The following CADM4 variants were observed in gnomAD, a reference collection of about 807,000 sequenced individuals.
The protein encoded by CADM4 is cell adhesion molecule 4.
CADM4 carries 13 observed loss-of-function variants against 43.9 expected under a neutral mutation model. That is an observed-to-expected ratio of 0.30 (90% CI 0.19 to 0.47). CADM4 has a LOEUF of 0.47. Ranked by LOEUF, CADM4 falls within the 20% of genes least tolerant of loss-of-function variation. The pLI, the probability that CADM4 is intolerant of heterozygous loss-of-function variation, is 1.00. For missense variants in CADM4, 420 were observed against 527.0 expected (o/e 0.80, Z 1.99); for synonymous variants, 209 against 220.9 (o/e 0.95, Z 0.48).
At position 43,639,796 on chromosome 19, in the gene CADM4, C is replaced by A. The variant is rs937514703; in HGVS notation, c.-6G>T. 1 of 974,802 alleles carries A rather than the reference C, an allele frequency of 1.0e-6. No individual in the cohort carries two copies. The highest frequency in any genetic ancestry group is 4.4e-5 in the South Asian group (1 of 22,684). 60.4% of individuals were successfully genotyped at this position (974,802 alleles called of 1,614,324 possible). A position where few individuals can be genotyped will look rare whatever the true frequency, so the allele number is the denominator to read the frequency against. The stretch of plus-strand genomic sequence containing the variant: ...AAGCGCCGGGCCCGGCCCATGGTGC[C>A]GCCGCCGCCGCCGCCGCCGCTCGCT... On this transcript the variant is annotated 5_prime_UTR_variant, in exon 1 of 9. Coordinates refer to ENST00000222374, the MANE Select transcript of CADM4 (RefSeq NM_145296.2).
chr19:43,635,048 T>G (rs1041698636), intron 1 of CADM4, among the ~76,000 whole-genome samples: 4 of 150,576 alleles, frequency 2.7e-5, no homozygotes, highest in Non-Finnish European at 5.9e-5. Flanking sequence ...GACACAGGAG[T>G]CTGGGCCTCC....
At chr19:43,639,614 C>A (rs1414936620) in intron 1 of CADM4, 113 bp downstream of exon 1, 2 of 627,228 alleles carry the variant, frequency 3.2e-6, no homozygotes, top group African/African-American at 2.0e-5. Context: ...GGAGGGGGCC[C>A]GGCCCGGCCC....
chr19:43,625,992 G>A lies in CADM4; in HGVS notation c.674C>T (p.Thr225Met), dbSNP rs1229632501. ...QYVLDVQYSP[T>M]ARIHASQAVV... is the part of the protein sequence containing the mutation. ...AGCTTGGGAGGCATGAATCCGGGCC[G>A]TGGGGGAGTCTGTTAGGCAAAAGTA... The change falls in exon 6 of 9, where the codon ACG (threonine) becomes ATG (methionine). Residue 225 changes from threonine to methionine, a missense_variant. Transcript: ENST00000222374. This position sits in a 1 kb window ranked among gnomAD's most constrained non-coding sequence, Gnocchi z 4.5. 20 of 1,614,178 alleles carry A rather than the reference G, an allele frequency of 1.2e-5. No individual in the cohort carries two copies. The highest frequency in any genetic ancestry group is 2.2e-5 in the East Asian group (1 of 44,884).
upstream of CADM4, chr19:43,639,851 G>GCCCGC (rs1409949455): frequency 2.1e-6 from 2 of 975,156 alleles, no homozygotes; most frequent in Admixed American, 1.3e-4. Flanking sequence ...CGCCCGCGCC[G>GCCCGC]CCCGCCCCGC....
chr19:43,625,072 T>G lies in CADM4; in HGVS notation c.928+6A>C. ...CCGCCCTCAGTCGGCCGCAGCCTGC[T>G]CTCACCGTAGACCACAAGTACGTAG... On this transcript the variant is annotated splice_donor_region_variant and intron_variant, in intron 7 of 8. Coordinates refer to ENST00000222374, the MANE Select transcript of CADM4 (RefSeq NM_145296.2). This position sits in a 1 kb window ranked among gnomAD's most constrained non-coding sequence, Gnocchi z 4.5. 1 of 1,338,896 alleles carries G rather than the reference T, an allele frequency of 7.5e-7. No individual in the cohort carries two copies. Among genetic ancestry groups the G allele is most frequent in the Non-Finnish European group, 9.9e-7 (1 of 1,013,192 alleles). The allele number at this position is 1,338,896 out of a possible 1,614,324, so 82.9% of individuals were successfully genotyped here.
chr19:43,635,341 C>G (rs1439317224), intron 1 of CADM4, among the ~76,000 whole-genome samples: 1 of 151,848 alleles, frequency 6.6e-6, no homozygotes, highest in Non-Finnish European at 1.5e-5. Context: ...CCATCAATGG[C>G]GGAGTCCGAA....
intron 7 of CADM4, 83 bp downstream of exon 7, chr19:43,624,995 G>T: frequency 7.2e-7 from 1 of 1,395,382 alleles, no homozygotes; most frequent in Non-Finnish European, 9.6e-7. Flanking sequence ...GAACCCCTGA[G>T]TTATGTGGCC....
chr19:43,626,839 C>T lies in CADM4; in HGVS notation c.444G>A (p.Pro148=). ...GGEVELSCLV[P]RSRPAATLRW... is the part of the protein sequence containing the mutation. ...GCAGGGTGGCAGCCGGACGGGACCG[C>T]GGAACGAGGCAGCTGAGCTCCACCT... The change falls in exon 4 of 9, where the codon CCG becomes CCA. Residue 148 remains proline, a synonymous_variant. Transcript: ENST00000222374. This position sits in a 1 kb window ranked among gnomAD's most constrained non-coding sequence, Gnocchi z 5.9. 2 of 1,610,706 alleles carry T rather than the reference C, an allele frequency of 1.2e-6. No homozygotes were observed. The highest frequency in any genetic ancestry group is 1.7e-6 in the Non-Finnish European group (2 of 1,178,622).
chr19:43,638,754 G>A (rs956302444), intron 1 of CADM4, among the ~76,000 whole-genome samples: 1 of 152,182 alleles, frequency 6.6e-6, no homozygotes, highest in Non-Finnish European at 1.5e-5. Context: ...AGAGGCATTC[G>A]CTGAATCCAC....
upstream of CADM4, chr19:43,639,866 C>G: frequency 1.0e-6 from 1 of 972,616 alleles, no homozygotes; most frequent in Non-Finnish European, 1.2e-6. Context: ...CCCCGCCCCC[C>G]GCGCCCCGCC....
In CADM4 at chr19:43,626,975, G is replaced by A. The variant is rs921307514; in HGVS notation, c.365-57C>T. 5.9e-6 allele frequency: 9 copies of A among 1,516,342 alleles called. No homozygotes were observed. In the Admixed American group the frequency reaches 1.0e-4, roughly 17 times the overall value. The allele number at this position is 1,516,342 out of a possible 1,614,324, so 93.9% of individuals were successfully genotyped here. On this transcript the variant is annotated intron_variant, in intron 3 of 8. Coordinates refer to ENST00000222374, the MANE Select transcript of CADM4 (RefSeq NM_145296.2). This position sits in a 1 kb window ranked among gnomAD's most constrained non-coding sequence, Gnocchi z 5.9. ...AAGAAGGCACGAACGTGGGCTCAAA[G>A]CGATCGAGCTGCCTGTTCCCAGCGA...
rs1041501664 is a variant in CADM4, at chr19:43,628,413, C to T, written c.65-623G>A. On this transcript the variant is annotated intron_variant, in intron 1 of 8. Transcript: ENST00000222374. ...TGGAGCCACTGCACTCCAGGCTGGG[C>T]GACAGAGCGAGACTCTGTCTCAAAA... is the stretch of plus-strand genomic sequence containing the variant. Among the ~76,000 whole-genome samples, 17 of 149,468 alleles carry T rather than the reference C, an allele frequency of 1.1e-4. No individual in the cohort carries two copies. In the East Asian group the frequency reaches 1.8e-3, roughly 16 times the overall value.
At chr19:43,624,984 C>G (rs912824710) in intron 7 of CADM4, 94 bp downstream of exon 7, 45 of 1,329,910 alleles carry the variant, frequency 3.4e-5, no homozygotes, top group Non-Finnish European at 4.0e-5. Context: ...TGTTGGCTGC[C>G]GAACCCCTGA....
chr19:43,627,729 G>A lies in CADM4; in HGVS notation c.126C>T (p.Ile42=), dbSNP rs764972537. 4.3e-6 allele frequency: 7 copies of A among 1,614,014 alleles called. No individual in the cohort carries two copies. Among genetic ancestry groups the A allele is most frequent in the Admixed American group, 3.3e-5 (2 of 60,002 alleles). Residue 42 remains isoleucine (I), a synonymous_variant, in exon 2 of 9, where the codon ATC becomes ATT. Coordinates refer to ENST00000222374, the MANE Select transcript of CADM4 (RefSeq NM_145296.2). The surrounding 1 kb of genome is among the most constrained non-coding windows in gnomAD (Gnocchi z 4.0). ...VTVAEGGVAE[I]TCRLHQYDGS... is the part of the protein sequence containing the mutation. ...CATCATACTGGTGCAGACGGCAGGTGATCTCAGCCACCCCACCCTCAGCCA... is the reference window on the plus strand; with the variant it reads ...CATCATACTGGTGCAGACGGCAGGTAATCTCAGCCACCCCACCCTCAGCCA...
rs779955318 is a variant in CADM4, at chr19:43,626,964, G to T, written c.365-46C>A. 2 of 1,534,422 alleles carry T rather than the reference G, an allele frequency of 1.3e-6. No individual in the cohort carries two copies. Among genetic ancestry groups the T allele is most frequent in the Non-Finnish European group, 1.8e-6 (2 of 1,138,830 alleles). On this transcript the variant is annotated intron_variant, in intron 3 of 8. Transcript: ENST00000222374. The surrounding 1 kb of genome is among the most constrained non-coding windows in gnomAD (Gnocchi z 5.9). ...GTAAGGGGTTAAAGAAGGCACGAAC[G>T]TGGGCTCAAAGCGATCGAGCTGCCT...
At chr19:43,633,616 A>G (rs1366963815) in intron 1 of CADM4, among the ~76,000 whole-genome samples, 2 of 151,826 alleles carry the variant, frequency 1.3e-5, no homozygotes, top group African/African-American at 2.4e-5. Flanking sequence ...GTCAGATGGG[A>G]TATCTGTTCG....
Position 43,631,787 on chromosome 19 carries a change from G to A in CADM4, c.65-3997C>T, listed in dbSNP as rs148105112. ...TGAGGACAAGAGCAGTGGGGATGGC[G>A]GAACCAAGAGCTGGAAGGTGCCTGA... is the stretch of plus-strand genomic sequence containing the variant. On this transcript the variant is annotated intron_variant, in intron 1 of 8. Transcript: ENST00000222374. Among the ~76,000 whole-genome samples the A allele has an allele frequency of 3.7e-4, 56 of 152,324 alleles. No individual in the cohort carries two copies. The Middle Eastern group carries it at 0.017, about 46-fold the overall frequency.
Position 43,625,780 on chromosome 19 carries a change from TCCTAGCTC to T in CADM4, c.755+123_755+130del. 2.8e-6 allele frequency: 2 copies of T among 718,528 alleles called. No individual in the cohort carries two copies. Among genetic ancestry groups the T allele is most frequent in the Non-Finnish European group, 4.7e-6 (2 of 428,106 alleles). 44.5% of individuals were successfully genotyped at this position (718,528 alleles called of 1,614,324 possible). A position where few individuals can be genotyped will look rare whatever the true frequency, so the allele number is the denominator to read the frequency against. On this transcript the variant is annotated intron_variant, in intron 6 of 8. Coordinates refer to ENST00000222374, the MANE Select transcript of CADM4 (RefSeq NM_145296.2). This position sits in a 1 kb window ranked among gnomAD's most constrained non-coding sequence, Gnocchi z 4.5. ...CCTCCTCAGGACCCAGGAATCCAGG[TCCTAGCTC>T]CCTGTTTGTCCAGGTCCTCAGCTCT...
chr19:43,630,281 C>CTTTTTT lies in CADM4; in HGVS notation c.65-2497_65-2492dup, dbSNP rs59489315. 3.4e-3 allele frequency among the ~76,000 whole-genome samples: 252 copies of CTTTTTT among 73,402 alleles called. 1 individual carries two copies. Among genetic ancestry groups the CTTTTTT allele is most frequent in the East Asian group, 4.5e-3 (12 of 2,692 alleles). The allele number at this position is 73,402 out of a possible 152,430, so 48.2% of individuals were successfully genotyped here. On this transcript the variant is annotated intron_variant, in intron 1 of 8. Coordinates refer to ENST00000222374, the MANE Select transcript of CADM4 (RefSeq NM_145296.2). ...TTTCCCCCATTTCCATTTTTCTTTT[C>CTTTTTT]TTTTTTTTTTTTTTTTTTTTTTGAG... is the stretch of plus-strand genomic sequence containing the variant.
Sources: allele counts gnomAD v4.1 joint callset (sites outside exome capture counted in the v4.1 genomes callset), GRCh38; gene constraint gnomAD v4.1.1; non-coding constraint Gnocchi (gnomAD v3.1); transcripts MANE v1.5; gene names NCBI Gene and HGNC (gene_info 2026-07-23, HGNC 2026-07-21).